PDLIM5: variants seen among roughly 807,000 people sequenced by gnomAD.
PDLIM5 encodes PDZ and LIM domain 5, also known as PDZ and LIM domain protein 5.
PDLIM5 carries 34 observed loss-of-function variants against 64.2 expected under a neutral mutation model. The ratio of observed to expected loss-of-function variants is 0.53; its 90% CI spans 0.40 to 0.71. The LOEUF is 0.71. Among genes scored for constraint, PDLIM5 ranks in the 30% least tolerant of loss-of-function variants. The pLI is 0.00. For missense variants in PDLIM5, 683 were observed against 733.6 expected (o/e 0.93, Z 0.80); for synonymous variants, 253 against 269.1 (o/e 0.94, Z 0.59).
At chr4:94,560,593 G>T (rs1385427692) in intron 3 of PDLIM5, among the ~76,000 whole-genome samples, 1 of 152,150 alleles carries the variant, frequency 6.6e-6, no homozygotes, top group African/African-American at 2.4e-5. Context: ...TAAGTAACTT[G>T]TCCCAGGTTG....
At chr4:94,558,615 C>T (rs1733570687) in intron 3 of PDLIM5, among the ~76,000 whole-genome samples, 1 of 152,056 alleles carries the variant, frequency 6.6e-6, no homozygotes, top group African/African-American at 2.4e-5. Flanking sequence ...ACCAAAGAAG[C>T]TTTGCTTTTA....
intron 8 of PDLIM5, among the ~76,000 whole-genome samples, chr4:94,632,139 A>G (rs1191325519): frequency 6.6e-6 from 1 of 152,240 alleles, no homozygotes; most frequent in African/African-American, 2.4e-5. Flanking sequence ...TTATCCCACT[A>G]TAATATAATT....
chr4:94,528,858 A>G (rs1055050153), intron 3 of PDLIM5, among the ~76,000 whole-genome samples: 2 of 152,222 alleles, frequency 1.3e-5, no homozygotes, highest in African/African-American at 4.8e-5. Flanking sequence ...CAGATATCCA[A>G]TAACCTTCTC....
At chr4:94,454,689 T>A (rs1166373750) in intron 1 of PDLIM5, among the ~76,000 whole-genome samples, 1 of 152,220 alleles carries the variant, frequency 6.6e-6, no homozygotes, top group African/African-American at 2.4e-5. Flanking sequence ...AAGTTGTAGT[T>A]CATGATTGGA....
intron 3 of PDLIM5, among the ~76,000 whole-genome samples, chr4:94,556,874 TA>T (rs2110226949): frequency 6.6e-6 from 1 of 152,302 alleles, no homozygotes; most frequent in African/African-American, 2.4e-5. Context: ...ACTCTGATGG[TA>T]GTTTCTTTTG....
At chr4:94,491,602 A>AT (rs568668908) in intron 2 of PDLIM5, among the ~76,000 whole-genome samples, 21 of 151,336 alleles carry the variant, frequency 1.4e-4, no homozygotes, top group African/African-American at 3.1e-4. Context: ...AGCTGTGTTG[A>AT]TTTTTTTTTA....
intron 2 of PDLIM5, among the ~76,000 whole-genome samples, chr4:94,504,632 G>A (rs1401253583): frequency 2.0e-5 from 3 of 152,126 alleles, no homozygotes; most frequent in Non-Finnish European, 4.4e-5. Context: ...AACTGAAATT[G>A]TGTAATGGTG....
intron 9 of PDLIM5, among the ~76,000 whole-genome samples, chr4:94,647,727 G>A (rs1741528718): frequency 6.6e-6 from 1 of 152,138 alleles, no homozygotes; most frequent in Non-Finnish European, 1.5e-5. Context: ...TGAAGTGTAT[G>A]TGGAACATTC....
chr4:94,655,453 A>G (rs1353569562), intron 10 of PDLIM5, among the ~76,000 whole-genome samples: 1 of 152,174 alleles, frequency 6.6e-6, no homozygotes, highest in Admixed American at 6.5e-5. Context: ...TGAAACTCTA[A>G]TTATTGTTAA....
intron 7 of PDLIM5, chr4:94,610,984 T>C: frequency 1.0e-6 from 1 of 968,332 alleles, no homozygotes; most frequent in Non-Finnish European, 1.5e-6. Flanking sequence ...GTAAAGGAAA[T>C]GTTTCAAATC....
intron 2 of PDLIM5, among the ~76,000 whole-genome samples, chr4:94,464,293 A>G (rs1724152337): frequency 6.6e-6 from 1 of 152,208 alleles, no homozygotes; most frequent in Admixed American, 6.5e-5. Context: ...AAGAAAAGAG[A>G]AAGTAGTTAC....
intron 3 of PDLIM5, among the ~76,000 whole-genome samples, chr4:94,538,397 T>G (rs375502998): frequency 2.0e-4 from 30 of 152,298 alleles, no homozygotes; most frequent in Middle Eastern, 3.4e-3. Flanking sequence ...AACTTTCATT[T>G]TGATTTGTGT....
intron 3 of PDLIM5, among the ~76,000 whole-genome samples, chr4:94,539,780 A>AT (rs1200537700): frequency 6.6e-6 from 1 of 152,162 alleles, no homozygotes; most frequent in Non-Finnish European, 1.5e-5. Flanking sequence ...CTAGGCAGAG[A>AT]GCACAGCTTA....
chr4:94,658,336 A>G (rs1427003096), intron 11 of PDLIM5, among the ~76,000 whole-genome samples: 2 of 152,244 alleles, frequency 1.3e-5, no homozygotes, highest in Non-Finnish European at 2.9e-5. Flanking sequence ...TTAATAAACT[A>G]GACTAAAAGG....
At chr4:94,489,973 A>G (rs1489994657) in intron 2 of PDLIM5, among the ~76,000 whole-genome samples, 1 of 151,960 alleles carries the variant, frequency 6.6e-6, no homozygotes, top group East Asian at 1.9e-4. Flanking sequence ...ATAGACATTT[A>G]TCATATTGAT....
Position 94,514,291 on chromosome 4 carries a change from C to T in PDLIM5, c.97-9433C>T, listed in dbSNP as rs189521329. ...CTGGGACTACAGGTGCCCACCATCACGCCCAGCTAATTTTTTGTATTTTTA... is the reference window on the plus strand; with the variant it reads ...CTGGGACTACAGGTGCCCACCATCATGCCCAGCTAATTTTTTGTATTTTTA... On this transcript the variant is annotated intron_variant, in intron 2 of 12. Transcript: ENST00000317968. Among the ~76,000 whole-genome samples, 808 of 152,092 alleles carry T rather than the reference C, an allele frequency of 5.3e-3. 5 individuals are homozygous for T. Among genetic ancestry groups the T allele is most frequent in the African/African-American group, 0.018 (747 of 41,468 alleles).
chr4:94,556,151 C>T (rs1189255529), intron 3 of PDLIM5, among the ~76,000 whole-genome samples: 1 of 149,664 alleles, frequency 6.7e-6, no homozygotes, highest in Non-Finnish European at 1.5e-5. Flanking sequence ...TGAGAACATG[C>T]AGTGTTTGGT....
At chr4:94,506,165 C>G (rs559283516) in intron 2 of PDLIM5, among the ~76,000 whole-genome samples, 1 of 152,144 alleles carries the variant, frequency 6.6e-6, no homozygotes, top group African/African-American at 2.4e-5. Context: ...TTTTGATCAG[C>G]CAAGTGTGGG....
chr4:94,489,628 A>G (rs1042413360), intron 2 of PDLIM5, among the ~76,000 whole-genome samples: 2 of 152,054 alleles, frequency 1.3e-5, no homozygotes, highest in African/African-American at 2.4e-5. Flanking sequence ...CAGTATAGGA[A>G]TATACAAAAA....
Sources: gnomAD v4.1 joint callset for allele counts (sites outside exome capture counted in the v4.1 genomes callset) on GRCh38, gnomAD v4.1.1 for gene constraint, MANE v1.5 for transcripts, NCBI Gene and HGNC (gene_info 2026-07-23, HGNC 2026-07-21) for gene names.